Variants in CALCA observed in about 807,000 individuals in gnomAD.
CALCA encodes the protein calcitonin related polypeptide alpha.
A neutral mutation model predicts 6.9 loss-of-function variants in CALCA; 4 were observed. That is an observed-to-expected ratio of 0.58 (90% CI 0.29 to 1.33). The LOEUF is 1.33. Among genes scored for constraint, CALCA ranks in the 40% most tolerant of loss-of-function variants. The pLI is 0.09. For missense variants in CALCA, 174 were observed against 178.3 expected, an observed-to-expected ratio of 0.98 and a Z score of 0.14; for synonymous variants, 78 against 70.0, an observed-to-expected ratio of 1.11 and a Z score of -0.57.
chr11:14,966,740 A>G (rs1316757816), downstream of CALCA: 2 of 152,634 alleles, frequency 1.3e-5, no homozygotes, highest in Admixed American at 1.3e-4. Context: ...TTCTTTAAAC[A>G]AATACTTCTG....
downstream of CALCA, among the ~76,000 whole-genome samples, chr11:14,967,413 A>G (rs928056285): frequency 1.3e-5 from 2 of 152,254 alleles, no homozygotes; most frequent in African/African-American, 2.4e-5. Flanking sequence ...AATCAAAATT[A>G]TAAATGTCAA....
downstream of CALCA, chr11:14,967,569 AT>A: frequency 3.0e-6 from 4 of 1,354,256 alleles, no homozygotes; most frequent in Non-Finnish European, 4.1e-6. Context: ...ACCTTCCCTT[AT>A]GGATTTTTTA....
Position 14,969,985 on chromosome 11 carries a change from C to T in CALCA, c.177G>A (p.Val59=). The part of the protein sequence containing the change: ...LLLAALVQDY[V]QMKASELEQE... Reference sequence around the variant, plus strand: ...GCTCCAGCTCACTGGCCTTCATCTGCACATAGTCCTGCACCAGTGCAGCCA... The same window carrying T: ...GCTCCAGCTCACTGGCCTTCATCTGTACATAGTCCTGCACCAGTGCAGCCA... The change falls in exon 3 of 4, where the codon GTG becomes GTA. Residue 59 remains valine, a synonymous_variant. Coordinates refer to ENST00000331587, the MANE Select transcript of CALCA (RefSeq NM_001741.3). 4 of 1,614,058 alleles carry T rather than the reference C, an allele frequency of 2.5e-6. No individual in the cohort carries two copies. Among genetic ancestry groups the T allele is most frequent in the Non-Finnish European group, 3.4e-6 (4 of 1,180,046 alleles).
At chr11:14,967,620 C>T, downstream of CALCA, 3 of 1,599,024 alleles carry the variant, frequency 1.9e-6, no homozygotes, top group South Asian at 1.1e-5. Context: ...TGGTTTTACA[C>T]CCCTGTAAAA....
At position 14,971,115 on chromosome 11, in the gene CALCA, T is replaced by C. The variant is rs781900545; in HGVS notation, c.78A>G (p.Ala26=). The change falls in exon 2 of 4, where the codon GCA becomes GCG. Residue 26 remains alanine, a synonymous_variant. Transcript: ENST00000331587. ...GCTTCAGGCTGTCTTACCTGAATGG[T>C]GCTGCATGGAGGCTGCCTGCCTGCA... is the stretch of plus-strand genomic sequence containing the variant. The part of the protein sequence containing the change: ...VLLQAGSLHA[A]PFRSALESSP... The C allele has an allele frequency of 6.2e-7, 1 of 1,614,012 alleles. No homozygotes were observed. Among genetic ancestry groups the C allele is most frequent in the Non-Finnish European group, 8.5e-7 (1 of 1,179,904 alleles).
downstream of CALCA, chr11:14,967,564 C>G (rs1357117983): frequency 7.0e-6 from 9 of 1,289,090 alleles, no homozygotes; most frequent in Admixed American, 1.0e-4. Flanking sequence ...TGGGTACCTT[C>G]CCTTATGGAT....
Position 14,971,215 on chromosome 11 carries a change from A to G in CALCA, c.-9-14T>C, listed in dbSNP as rs782658203. The G allele has an allele frequency of 3.8e-6, 6 of 1,592,880 alleles. No individual in the cohort carries two copies. The highest frequency in any genetic ancestry group is 5.2e-6 in the Non-Finnish European group (6 of 1,160,768). On this transcript the variant is annotated splice_polypyrimidine_tract_variant and intron_variant, in intron 1 of 3. Transcript: ENST00000331587. ...CATGACACCTCTCTGCAAGGGAAGAATGAGATAAACCACCTGCGCCAGTTC... is the reference window on the plus strand; with the variant it reads ...CATGACACCTCTCTGCAAGGGAAGAGTGAGATAAACCACCTGCGCCAGTTC...
chr11:14,970,187 G>C (rs1252001946), intron 2 of CALCA, 112 bp from the exon 3 acceptor site: 2 of 1,444,628 alleles, frequency 1.4e-6, no homozygotes, highest in Non-Finnish European at 1.9e-6. Context: ...TGTGGCCAGC[G>C]GGAGTCCTAG....
intron 3 of CALCA, among the ~76,000 whole-genome samples, chr11:14,969,648 A>T (rs1158794688): frequency 6.6e-6 from 1 of 152,164 alleles, no homozygotes; most frequent in African/African-American, 2.4e-5. Context: ...GAGGTCTCCC[A>T]GTACTGCAAG....
chr11:14,970,435 C>T (rs374850588), intron 2 of CALCA, among the ~76,000 whole-genome samples: 30 of 152,292 alleles, frequency 2.0e-4, no homozygotes, highest in African/African-American at 6.5e-4. Flanking sequence ...AATAGATCAA[C>T]AGGTAAAATA....
intron 1 of CALCA, 34 bp from the exon 2 acceptor site, chr11:14,971,235 C>T (rs1555026480): frequency 1.3e-6 from 2 of 1,484,664 alleles, no homozygotes; most frequent in Non-Finnish European, 1.9e-6. Flanking sequence ...CCACCTGCGC[C>T]AGTTCGAAGT....
At chr11:14,971,237 G>T in intron 1 of CALCA, 36 bp from the exon 2 acceptor site, 2 of 1,463,582 alleles carry the variant, frequency 1.4e-6, no homozygotes, top group Non-Finnish European at 1.9e-6. Flanking sequence ...ACCTGCGCCA[G>T]TTCGAAGTTC....
At chr11:14,969,824 A>G in intron 3 of CALCA, 111 bp downstream of exon 3, 1 of 1,546,042 alleles carries the variant, frequency 6.5e-7, no homozygotes, top group Non-Finnish European at 8.9e-7. Context: ...GGTGAACAAC[A>G]CAGCCTGTTG....
chr11:14,972,014 T>A (rs1276434580), intron 1 of CALCA, among the ~76,000 whole-genome samples: 1 of 152,036 alleles, frequency 6.6e-6, no homozygotes, highest in Non-Finnish European at 1.5e-5. Flanking sequence ...CTGTGTGCAG[T>A]GCGAGAGAGT....
chr11:14,969,006 A>T lies in CALCA; in HGVS notation c.228-9T>A. On this transcript the variant is annotated splice_polypyrimidine_tract_variant and intron_variant, in intron 3 of 3. Transcript: ENST00000331587. ...ATCTGGGGCTGTCCAGGCTGCAGGGAAAACACATACCAGACAGTACCATGC... is the reference window on the plus strand; with the variant it reads ...ATCTGGGGCTGTCCAGGCTGCAGGGTAAACACATACCAGACAGTACCATGC... 1 of 1,612,180 alleles carries T rather than the reference A, an allele frequency of 6.2e-7. No homozygotes were observed. The highest frequency in any genetic ancestry group is 1.1e-5 in the South Asian group (1 of 91,010).
chr11:14,967,534 C>T, downstream of CALCA: 3 of 936,294 alleles, frequency 3.2e-6, no homozygotes, highest in African/African-American at 1.7e-5. Flanking sequence ...GTCTTAGCTA[C>T]TGGAACTCAG....
Position 14,968,585 on chromosome 11 carries a change from T to C in CALCA, c.*214A>G, listed in dbSNP as rs1849510595. On this transcript the variant is annotated 3_prime_UTR_variant, in exon 4 of 4. Coordinates refer to ENST00000331587, the MANE Select transcript of CALCA (RefSeq NM_001741.3). ...AGCTCTGATGACATCTCTGGGGGAC[T>C]CAAAGCGGCCCTCATTTTCTGGTAT... The C allele has an allele frequency of 1.0e-5, 15 of 1,458,690 alleles. No individual in the cohort carries two copies. Among genetic ancestry groups the C allele is most frequent in the Non-Finnish European group, 1.4e-5 (15 of 1,105,770 alleles). The allele number at this position is 1,458,690 out of a possible 1,614,324, so 90.4% of individuals were successfully genotyped here.
chr11:14,971,253 GC>G, intron 1 of CALCA, 52 bp from the exon 2 acceptor site: 1 of 1,149,444 alleles, frequency 8.7e-7, no homozygotes, highest in Non-Finnish European at 1.3e-6. Context: ...AGTTCTAGGA[GC>G]CCACAGACCT....
downstream of CALCA, chr11:14,967,638 A>T (rs1849486300): frequency 2.5e-6 from 4 of 1,611,976 alleles, no homozygotes; most frequent in Non-Finnish European, 2.5e-6. Context: ...AAAACCAGTC[A>T]TTCATCTTCC....
Sources: gnomAD v4.1 joint callset for allele counts (sites outside exome capture counted in the v4.1 genomes callset) on GRCh38, gnomAD v4.1.1 for gene constraint, MANE v1.5 for transcripts, NCBI Gene and HGNC (gene_info 2026-07-23, HGNC 2026-07-21) for gene names.